NFIC: variants seen among roughly 807,000 people sequenced by gnomAD.
The protein encoded by NFIC is nuclear factor I C, also known as nuclear factor 1 C-type.
In NFIC, 12 loss-of-function variants were observed where a neutral mutation model predicts 54.4. That is an observed-to-expected ratio of 0.22 (90% CI 0.14 to 0.36). NFIC has a LOEUF of 0.36. Among genes scored for constraint, NFIC ranks in the 10% least tolerant of loss-of-function variants. The pLI is 1.00. For missense variants in NFIC, 575 were observed against 718.2 expected (o/e 0.80, Z 2.28); for synonymous variants, 322 against 319.2 (o/e 1.01, Z -0.09).
rs2082718039 is a variant in NFIC, at chr19:3,466,467, G to A, written c.*3698G>A. The A allele has an allele frequency of 6.6e-6, 1 of 152,010 alleles. No homozygotes were observed. The highest frequency in any genetic ancestry group is 6.6e-5 in the Admixed American group (1 of 15,266). The allele number at this position is 152,010 out of a possible 1,614,324, so 9.4% of individuals were successfully genotyped here. On this transcript the variant is annotated 3_prime_UTR_variant, in exon 11 of 11. Coordinates refer to ENST00000443272, the MANE Select transcript of NFIC (RefSeq NM_001245002.2). The surrounding 1 kb of genome is among the most constrained non-coding windows in gnomAD (Gnocchi z 4.8). Reference sequence around the variant, plus strand: ...ATTGCCCCCAACCCCGGGATTTTGGGTGGTCTCCACAGCCACCATCATACA... The same window carrying A: ...ATTGCCCCCAACCCCGGGATTTTGGATGGTCTCCACAGCCACCATCATACA...
At chr19:3,400,303 G>A (rs1405698981) in intron 2 of NFIC, among the ~76,000 whole-genome samples, 3 of 151,992 alleles carry the variant, frequency 2.0e-5, no homozygotes, top group Admixed American at 1.3e-4. Flanking sequence ...GTGAAACCCC[G>A]TCTCTACTAA....
chr19:3,434,780 G>A lies in NFIC; in HGVS notation c.834-303G>A, dbSNP rs116032084. 3.6e-3 allele frequency among the ~76,000 whole-genome samples: 553 copies of A among 152,288 alleles called. 4 individuals are homozygous for A. Among genetic ancestry groups the A allele is most frequent in the African/African-American group, 0.012 (516 of 41,560 alleles). On this transcript the variant is annotated intron_variant, in intron 5 of 10. Coordinates refer to ENST00000443272, the MANE Select transcript of NFIC (RefSeq NM_001245002.2). ...CATACCCCTAACAGGCAGTTCTGAGGACTACAGGTGGCCAGGAGATTAGCC... is the reference window on the plus strand; with the variant it reads ...CATACCCCTAACAGGCAGTTCTGAGAACTACAGGTGGCCAGGAGATTAGCC...
chr19:3,392,579 C>T (rs1431075795), intron 2 of NFIC, among the ~76,000 whole-genome samples: 4 of 152,194 alleles, frequency 2.6e-5, no homozygotes, highest in African/African-American at 9.6e-5. Context: ...GCCCGGCCCT[C>T]CCAGAGCCAG....
intron 1 of NFIC, among the ~76,000 whole-genome samples, chr19:3,380,182 TTTC>T (rs2081179745): frequency 6.7e-6 from 1 of 150,318 alleles, no homozygotes; most frequent in Non-Finnish European, 1.5e-5. Context: ...TTTGTTTTTT[TTTC>T]AGTAGAGACG....
At chr19:3,419,684 A>G (rs1351443219) in intron 2 of NFIC, among the ~76,000 whole-genome samples, 1 of 152,012 alleles carries the variant, frequency 6.6e-6, no homozygotes. Context: ...CTGTAATCTC[A>G]GCTACTTAGG....
chr19:3,430,941 AAAAAAGAAAAG>A (rs2082110766), intron 3 of NFIC, among the ~76,000 whole-genome samples: 1 of 151,266 alleles, frequency 6.6e-6, no homozygotes, highest in Admixed American at 6.6e-5. Context: ...CAAAAAAAAA[AAAAAAGAAAAG>A]AAAAAGAAAG....
At chr19:3,428,814 G>A (rs747467154) in intron 3 of NFIC, among the ~76,000 whole-genome samples, 54 of 152,016 alleles carry the variant, frequency 3.6e-4, no homozygotes, top group Non-Finnish European at 6.9e-4. Flanking sequence ...AGGAAACCCC[G>A]GTCGGGGGAG....
At chr19:3,380,435 C>T (rs2081187620) in intron 1 of NFIC, among the ~76,000 whole-genome samples, 2 of 147,860 alleles carry the variant, frequency 1.4e-5, no homozygotes, top group African/African-American at 2.5e-5. Flanking sequence ...AAGCGATTCT[C>T]CTGTCTCAGC....
At chr19:3,451,536 C>CA (rs1387677304) in intron 7 of NFIC, among the ~76,000 whole-genome samples, 2 of 151,582 alleles carry the variant, frequency 1.3e-5, no homozygotes, top group African/African-American at 2.4e-5. Flanking sequence ...CAGGCCGAGG[C>CA]AGGAGGATCA....
intron 1 of NFIC, among the ~76,000 whole-genome samples, chr19:3,379,065 T>G (rs1489056093): frequency 6.6e-6 from 1 of 152,038 alleles, no homozygotes; most frequent in African/African-American, 2.4e-5. Context: ...GTTTTTTTGT[T>G]TTTTGTTTTC....
At chr19:3,376,428 C>CAAAAAAAAAAAAAAAA (rs35724239) in intron 1 of NFIC, among the ~76,000 whole-genome samples, 1 of 48,170 alleles carries the variant, frequency 2.1e-5, no homozygotes. Context: ...GACACTGTCT[C>CAAAAAAAAAAAAAAAA]AAAAAAAAAA....
intron 2 of NFIC, chr19:3,411,327 G>GATTT (rs749500788): frequency 2.8e-5 from 1 of 35,324 alleles, no homozygotes; most frequent in African/African-American, 1.2e-4. Context: ...GCCCTCCAGT[G>GATTT]CTTTTTTTTT....
At position 3,417,045 on chromosome 19, in the gene NFIC, A is replaced by G. The variant is rs189342711; in HGVS notation, c.563-8061A>G. Among the ~76,000 whole-genome samples, 776 of 120,446 alleles carry G rather than the reference A, an allele frequency of 6.4e-3. 9 individuals carry two copies. The highest frequency in any genetic ancestry group is 0.018 in the African/African-American group (717 of 40,188). The allele number at this position is 120,446 out of a possible 152,430, so 79.0% of individuals were successfully genotyped here. ...ACTACAGGCGCCCGCCACCAGGCCC[A>G]GCTAATTTTTTTTGTATTTTTAGTA... On this transcript the variant is annotated intron_variant, in intron 2 of 10. Transcript: ENST00000443272.
chr19:3,403,456 C>T (rs1303120221), intron 2 of NFIC, among the ~76,000 whole-genome samples: 1 of 152,202 alleles, frequency 6.6e-6, no homozygotes, highest in Non-Finnish European at 1.5e-5. Flanking sequence ...CTTTTTGCAG[C>T]AAGGGAAACT....
chr19:3,464,083 C>G lies in NFIC; in HGVS notation c.*1314C>G, dbSNP rs778652022. On this transcript the variant is annotated 3_prime_UTR_variant, in exon 11 of 11. Transcript: ENST00000443272. ...TCTGGGGAAGCCGGTGCGCCCCCCACGCCTCCGCTGCCAGTGCCTTACATT... is the reference window on the plus strand; with the variant it reads ...TCTGGGGAAGCCGGTGCGCCCCCCAGGCCTCCGCTGCCAGTGCCTTACATT... 192 of 984,948 alleles carry G rather than the reference C, an allele frequency of 1.9e-4. No homozygotes were observed. Among genetic ancestry groups the G allele is most frequent in the Non-Finnish European group, 2.2e-4 (183 of 829,886 alleles). 61.0% of individuals were successfully genotyped at this position (984,948 alleles called of 1,614,324 possible).
At chr19:3,377,792 T>C (rs1476800451) in intron 1 of NFIC, among the ~76,000 whole-genome samples, 4 of 152,000 alleles carry the variant, frequency 2.6e-5, no homozygotes, top group Non-Finnish European at 5.9e-5. Context: ...TAATTATTTT[T>C]GTAATTTTTA....
chr19:3,380,625 AG>A lies in NFIC; in HGVS notation c.31-1085del, dbSNP rs1408651419. 2.5e-3 allele frequency among the ~76,000 whole-genome samples: 247 copies of A among 98,412 alleles called. 26 individuals are homozygous for A. Among genetic ancestry groups the A allele is most frequent in the East Asian group, 8.9e-3 (27 of 3,046 alleles). 64.6% of individuals were successfully genotyped at this position (98,412 alleles called of 152,430 possible). On this transcript the variant is annotated intron_variant, in intron 1 of 10. Transcript: ENST00000443272. ...ATTACAGGTGTGAGCCACTGCGCCC[AG>A]GCTTTTTTTTTTTTTTTTTTTTTTT...
intron 2 of NFIC, among the ~76,000 whole-genome samples, chr19:3,412,720 C>G (rs1033639147): frequency 1.3e-5 from 2 of 152,164 alleles, no homozygotes; most frequent in African/African-American, 4.8e-5. Flanking sequence ...TAGGACAGAG[C>G]CTGACATCTG....
In NFIC at chr19:3,372,515, C is replaced by T. The variant is rs528898812; in HGVS notation, c.30+5849C>T. 2.0e-5 allele frequency among the ~76,000 whole-genome samples: 3 copies of T among 152,240 alleles called. No individual in the cohort carries two copies. The South Asian group carries it at 6.2e-4, about 32-fold the overall frequency. On this transcript the variant is annotated intron_variant, in intron 1 of 10. Transcript: ENST00000443272. ...GATCAAAGCTGTGCCCTTGTGGGACCGACAGTCTAGGCCGGGTCGGGGACG... is the reference window on the plus strand; with the variant it reads ...GATCAAAGCTGTGCCCTTGTGGGACTGACAGTCTAGGCCGGGTCGGGGACG...
Sources: gnomAD v4.1 joint callset for allele counts (sites outside exome capture counted in the v4.1 genomes callset) on GRCh38, gnomAD v4.1.1 for gene constraint, Gnocchi (gnomAD v3.1) non-coding constraint, MANE v1.5 for transcripts, NCBI Gene and HGNC (gene_info 2026-07-23, HGNC 2026-07-21) for gene names.